SCAI: variants seen among roughly 807,000 people sequenced by gnomAD.
The protein encoded by SCAI is protein SCAI.
Under a neutral mutation model 92.2 loss-of-function variants are expected in SCAI, and 24 were observed. That is an observed-to-expected ratio of 0.26 (90% confidence interval 0.19 to 0.37). The LOEUF (loss-of-function observed/expected upper bound fraction) is 0.37. Among genes scored for constraint, SCAI ranks in the 10% least tolerant of loss-of-function variants. The pLI is 1.00. For missense variants in SCAI, 450 were observed against 736.2 expected, an observed-to-expected ratio of 0.61 and a Z score of 4.50; for synonymous variants, 261 against 258.6, an observed-to-expected ratio of 1.01 and a Z score of -0.09.
chr9:125,103,777 G>A (rs1834724277), intron 2 of SCAI, among the ~76,000 whole-genome samples: 1 of 152,066 alleles, frequency 6.6e-6, no homozygotes, highest in African/African-American at 2.4e-5. Flanking sequence ...AAACTTATAG[G>A]ATAATTTAAG....
intron 6 of SCAI, among the ~76,000 whole-genome samples, chr9:125,023,666 T>C (rs1481286621): frequency 6.8e-6 from 1 of 147,624 alleles, no homozygotes; most frequent in African/African-American, 2.5e-5. Flanking sequence ...CCTTTGAAAA[T>C]GTAAAAAAAA....
chr9:125,119,744 A>T (rs1168275501), intron 2 of SCAI, among the ~76,000 whole-genome samples: 1 of 152,232 alleles, frequency 6.6e-6, no homozygotes, highest in Non-Finnish European at 1.5e-5. Flanking sequence ...TCTGCTCTAC[A>T]TATAAACACT....
chr9:125,048,276 C>T (rs1346601869), intron 3 of SCAI, among the ~76,000 whole-genome samples: 3 of 152,104 alleles, frequency 2.0e-5, no homozygotes, highest in Admixed American at 2.0e-4. Context: ...CTATGCCCAG[C>T]CTAGTCAATC....
chr9:125,121,846 C>A (rs1349328426), intron 2 of SCAI, among the ~76,000 whole-genome samples: 1 of 151,986 alleles, frequency 6.6e-6, no homozygotes, highest in Non-Finnish European at 1.5e-5. Context: ...CAGAGCAAGA[C>A]TCAGTCTCAA....
intron 9 of SCAI, among the ~76,000 whole-genome samples, chr9:125,015,134 T>C (rs1349043194): frequency 6.6e-6 from 1 of 152,194 alleles, no homozygotes; most frequent in Non-Finnish European, 1.5e-5. Context: ...AAGGACTTCA[T>C]GTCTAAAACA....
At chr9:125,090,979 A>G (rs1834418391) in intron 2 of SCAI, among the ~76,000 whole-genome samples, 2 of 152,138 alleles carry the variant, frequency 1.3e-5, no homozygotes. Context: ...ATAGCTGGGC[A>G]TGGTGGCAGG....
intron 17 of SCAI, among the ~76,000 whole-genome samples, chr9:124,958,159 G>T (rs770063553): frequency 1.3e-5 from 2 of 152,130 alleles, no homozygotes; most frequent in African/African-American, 4.8e-5. Flanking sequence ...TATTAAAATA[G>T]TAATTCCCCA....
intron 1 of SCAI, 135 bp from the exon 2 acceptor site, chr9:125,142,812 CA>C (rs1835699753): frequency 1.4e-6 from 1 of 709,242 alleles, no homozygotes; most frequent in African/African-American, 1.8e-5. Context: ...TCTGACCTTA[CA>C]AACGCCTCAT....
intron 14 of SCAI, among the ~76,000 whole-genome samples, chr9:124,992,585 C>T (rs937445826): frequency 1.3e-5 from 2 of 151,520 alleles, no homozygotes; most frequent in African/African-American, 2.4e-5. Flanking sequence ...GATTTCACCA[C>T]GTTGGCCAGG....
At position 124,950,221 on chromosome 9, in the gene SCAI, T is replaced by C. The variant is rs1371964617; in HGVS notation, c.*2586A>G. ...ACAGGGTAAATAGTTCTCTTGGTGG[T>C]TGGAGTGGGGAAATCAATATTTTTG... is the stretch of plus-strand genomic sequence containing the variant. On this transcript the variant is annotated 3_prime_UTR_variant, in exon 18 of 18. Coordinates refer to ENST00000336505, the MANE Select transcript of SCAI (RefSeq NM_001144877.3). 6.6e-6 allele frequency: 1 copy of C among 152,016 alleles called. No homozygotes were observed. The highest frequency in any genetic ancestry group is 1.5e-5 in the Non-Finnish European group (1 of 67,994). 9.4% of individuals were successfully genotyped at this position (152,016 alleles called of 1,614,324 possible). A position where few individuals can be genotyped will look rare whatever the true frequency, so the allele number is the denominator to read the frequency against.
At chr9:125,106,114 AAAAAAAAAATATATATATATATATATAT>A (rs1245007096) in intron 2 of SCAI, among the ~76,000 whole-genome samples, 4 of 46,456 alleles carry the variant, frequency 8.6e-5, no homozygotes, top group South Asian at 1.8e-3. Flanking sequence ...AAAAAAAAAA[AAAAAAAAAATATATATATATATATATAT>A]ATATATATAT....
At chr9:124,958,480 A>T (rs189225591) in intron 17 of SCAI, among the ~76,000 whole-genome samples, 1 of 152,354 alleles carries the variant, frequency 6.6e-6, no homozygotes, top group Non-Finnish European at 1.5e-5. Flanking sequence ...AAATCTTTTC[A>T]ACATATGGTA....
intron 6 of SCAI, among the ~76,000 whole-genome samples, chr9:125,023,455 T>A (rs990399026): frequency 6.6e-5 from 10 of 152,226 alleles, no homozygotes; most frequent in Non-Finnish European, 1.5e-4. Flanking sequence ...AGAAAATTAG[T>A]AGAAGGATGA....
At chr9:124,977,638 C>T (rs1831787696) in intron 14 of SCAI, among the ~76,000 whole-genome samples, 1 of 152,170 alleles carries the variant, frequency 6.6e-6, no homozygotes. Flanking sequence ...TGTGCCACTG[C>T]ACTCCACCCT....
At chr9:124,979,464 C>G (rs968415178) in intron 14 of SCAI, among the ~76,000 whole-genome samples, 2 of 151,438 alleles carry the variant, frequency 1.3e-5, no homozygotes, top group African/African-American at 4.9e-5. Flanking sequence ...TGCTAGAACC[C>G]AGGAGGCGGA....
chr9:125,000,733 T>C (rs983234540), intron 12 of SCAI, among the ~76,000 whole-genome samples: 2 of 152,134 alleles, frequency 1.3e-5, no homozygotes, highest in African/African-American at 4.8e-5. Context: ...TTGAATAGAA[T>C]TTGAAAATTC....
rs1394986303 is a variant in SCAI at position 124,949,468 on chromosome 9, T to A, written c.*3339A>T. 1 of 152,274 alleles carries A rather than the reference T, an allele frequency of 6.6e-6. No individual in the cohort carries two copies. The highest frequency in any genetic ancestry group is 1.5e-5 in the Non-Finnish European group (1 of 68,090). 9.4% of individuals were successfully genotyped at this position (152,274 alleles called of 1,614,324 possible). On this transcript the variant is annotated 3_prime_UTR_variant, in exon 18 of 18. Transcript: ENST00000336505. The surrounding 1 kb of genome is among the most constrained non-coding windows in gnomAD (Gnocchi z 4.0). ...AGCCTACCCTGATCATCACTTTTTCTTTTCTTTTTTTCCAGAGACGAGGTC... is the reference window on the plus strand; with the variant it reads ...AGCCTACCCTGATCATCACTTTTTCATTTCTTTTTTTCCAGAGACGAGGTC...
chr9:125,028,326 G>GTATACT (rs1833002001), intron 5 of SCAI, 66 bp downstream of exon 5: 1 of 880,034 alleles, frequency 1.1e-6, no homozygotes, highest in East Asian at 2.6e-5. Flanking sequence ...TACTATGTAT[G>GTATACT]TATACTTCTG....
intron 6 of SCAI, among the ~76,000 whole-genome samples, chr9:125,024,517 C>T (rs1832931283): frequency 1.3e-5 from 2 of 152,112 alleles, no homozygotes; most frequent in East Asian, 3.9e-4. Context: ...CCTCATGATC[C>T]GCCTGCCTTG....
Sources: gnomAD v4.1 joint callset for allele counts (sites outside exome capture counted in the v4.1 genomes callset) on GRCh38, gnomAD v4.1.1 for gene constraint, Gnocchi (gnomAD v3.1) non-coding constraint, MANE v1.5 for transcripts, NCBI Gene and HGNC (gene_info 2026-07-23, HGNC 2026-07-21) for gene names.